The following EML1 variants were observed in gnomAD, a reference collection of about 807,000 sequenced individuals.
The protein encoded by EML1 is EMAP like 1, also known as echinoderm microtubule-associated protein-like 1.
In EML1, 27 loss-of-function variants were observed where a neutral mutation model predicts 110.4. That is an observed-to-expected ratio of 0.24 (90% confidence interval 0.18 to 0.34). The LOEUF is 0.34. Among genes scored for constraint, EML1 ranks in the 10% least tolerant of loss-of-function variants. The probability of loss-of-function intolerance (pLI) is 1.00; values close to 1 mark genes in which losing one functional copy is unlikely to be tolerated. For missense variants in EML1, 741 were observed against 1,030.9 expected (o/e 0.72, Z 3.85); for synonymous variants, 344 against 385.8 (o/e 0.89, Z 1.27).
chr14:99,748,634 G>A (rs960312159), intron 1 of EML1, among the ~76,000 whole-genome samples: 3 of 151,834 alleles, frequency 2.0e-5, no homozygotes, highest in African/African-American at 7.3e-5. Flanking sequence ...CTCCAGCCTG[G>A]GCAACAGAGC....
At chr14:99,910,220 A>G (rs1023042171) in intron 11 of EML1, 22 bp from the exon 12 acceptor site, 27 of 1,521,424 alleles carry the variant, frequency 1.8e-5, no homozygotes, top group Non-Finnish European at 2.3e-5. Context: ...TATATATATA[A>G]TTTTTTTACT....
chr14:99,743,055 C>G (rs1480434797), intron 1 of EML1, among the ~76,000 whole-genome samples: 1 of 152,142 alleles, frequency 6.6e-6, no homozygotes, highest in Admixed American at 6.5e-5. Flanking sequence ...GTTGGGAAGT[C>G]CCCCTTCAGT....
chr14:99,924,227 T>G (rs2060193206), intron 17 of EML1, among the ~76,000 whole-genome samples: 1 of 152,256 alleles, frequency 6.6e-6, no homozygotes, highest in African/African-American at 2.4e-5. Context: ...AATTTTGTTT[T>G]CAGTTGGTTG....
chr14:99,845,501 A>G (rs958728771), intron 1 of EML1, among the ~76,000 whole-genome samples: 4 of 152,260 alleles, frequency 2.6e-5, no homozygotes, highest in Admixed American at 6.5e-5. Flanking sequence ...CATTGGGAGC[A>G]TAAAGAATGG....
intron 4 of EML1, chr14:99,883,482 G>A (rs2059422376): frequency 1.4e-5 from 2 of 147,516 alleles, no homozygotes; most frequent in East Asian, 2.0e-4. Context: ...AGTGAGCTGC[G>A]ATCATACCAC....
intron 1 of EML1, among the ~76,000 whole-genome samples, chr14:99,778,845 T>C (rs1478410043): frequency 1.3e-5 from 2 of 152,252 alleles, no homozygotes; most frequent in Non-Finnish European, 2.9e-5. Context: ...AGAAATCCAA[T>C]GCCATTCTAA....
At chr14:99,927,429 A>G (rs2060255000) in intron 17 of EML1, among the ~76,000 whole-genome samples, 1 of 152,166 alleles carries the variant, frequency 6.6e-6, no homozygotes, top group South Asian at 2.1e-4. Flanking sequence ...GCTTGGTCAT[A>G]TTCAAGCTGT....
intron 17 of EML1, among the ~76,000 whole-genome samples, chr14:99,928,770 T>G (rs1438671537): frequency 6.6e-6 from 1 of 152,150 alleles, no homozygotes; most frequent in Non-Finnish European, 1.5e-5. Context: ...GCATCTCTTT[T>G]GGATGTTTTT....
chr14:99,862,549 C>T (rs1237319933), intron 2 of EML1, among the ~76,000 whole-genome samples: 1 of 152,186 alleles, frequency 6.6e-6, no homozygotes, highest in East Asian at 1.9e-4. Flanking sequence ...TTTATATATA[C>T]TGTAGCATAA....
chr14:99,763,268 C>G (rs1273527047), intron 1 of EML1, among the ~76,000 whole-genome samples: 1 of 152,188 alleles, frequency 6.6e-6, no homozygotes, highest in Admixed American at 6.5e-5. Context: ...TCTTTATCAG[C>G]AGTGCAACTA....
chr14:99,764,205 A>G (rs2057344240), intron 1 of EML1, among the ~76,000 whole-genome samples: 1 of 152,036 alleles, frequency 6.6e-6, no homozygotes, highest in Non-Finnish European at 1.5e-5. Flanking sequence ...GTGGCTCCAG[A>G]GCTGTTCTCC....
At chr14:99,935,732 G>A (rs567883802) in intron 17 of EML1, among the ~76,000 whole-genome samples, 3 of 138,332 alleles carry the variant, frequency 2.2e-5, no homozygotes, top group African/African-American at 8.5e-5. Context: ...GCCGTGAGTC[G>A]AGATCGCACC....
At chr14:99,854,781 A>C (rs780853515) in intron 2 of EML1, among the ~76,000 whole-genome samples, 1 of 152,198 alleles carries the variant, frequency 6.6e-6, no homozygotes, top group Non-Finnish European at 1.5e-5. Context: ...ATTACCATGT[A>C]GTGGAGAAAA....
upstream of EML1, among the ~76,000 whole-genome samples, chr14:99,790,605 A>C (rs1432526963): frequency 1.3e-5 from 2 of 152,230 alleles, no homozygotes; most frequent in African/African-American, 2.4e-5. Flanking sequence ...CATATCCTGA[A>C]GTATAAAACT....
chr14:99,895,157 G>C (rs922991166), intron 6 of EML1, among the ~76,000 whole-genome samples: 1 of 152,174 alleles, frequency 6.6e-6, no homozygotes, highest in South Asian at 2.1e-4. Context: ...CCAAAAGAAT[G>C]ACAATAGTAG....
At chr14:99,921,576 A>T in intron 17 of EML1, among the ~76,000 whole-genome samples, 1 of 152,060 alleles carries the variant, frequency 6.6e-6, no homozygotes, top group Admixed American at 6.6e-5. Flanking sequence ...AACCCCATGT[A>T]CTCATCCGCC....
chr14:99,766,986 A>G (rs2057374582), intron 1 of EML1, among the ~76,000 whole-genome samples: 1 of 152,218 alleles, frequency 6.6e-6, no homozygotes, highest in African/African-American at 2.4e-5. Context: ...ACCGTTTTCC[A>G]AAGGTCCTCT....
chr14:99,823,694 C>G (rs538990365), intron 1 of EML1, among the ~76,000 whole-genome samples: 1 of 152,104 alleles, frequency 6.6e-6, no homozygotes, highest in East Asian at 1.9e-4. Flanking sequence ...TCCTCACATT[C>G]TAGTGGGAGA....
intron 2 of EML1, among the ~76,000 whole-genome samples, chr14:99,859,697 C>T (rs577393341): frequency 2.3e-4 from 35 of 152,226 alleles, no homozygotes; most frequent in African/African-American, 8.4e-4. Context: ...AAGTAAGTGG[C>T]TGGTTTTGGG....
Sources: allele counts gnomAD v4.1 joint callset (sites outside exome capture counted in the v4.1 genomes callset), GRCh38; gene constraint gnomAD v4.1.1; transcripts MANE v1.5; gene names NCBI Gene and HGNC (gene_info 2026-07-23, HGNC 2026-07-21).